The following SYT7 variants were observed in gnomAD, a reference collection of about 807,000 sequenced individuals.
SYT7 encodes synaptotagmin-7.
Under a neutral mutation model 75.1 loss-of-function variants are expected in SYT7, and 29 were observed. That is an observed-to-expected ratio of 0.39 (90% CI 0.29 to 0.53). The LOEUF is 0.53. SYT7 is among the 20% of genes least tolerant of loss of function. The pLI, the probability that SYT7 is intolerant of heterozygous loss-of-function variation, is 0.77. For missense variants in SYT7, 693 were observed against 953.2 expected (o/e 0.73, Z 3.59); for synonymous variants, 376 against 401.7 (o/e 0.94, Z 0.76).
At chr11:61,567,689 C>T (rs2063810167) in intron 1 of SYT7, among the ~76,000 whole-genome samples, 1 of 152,216 alleles carries the variant, frequency 6.6e-6, no homozygotes, top group Non-Finnish European at 1.5e-5. Flanking sequence ...CCCGGGGGCC[C>T]GCCGCACTGC....
At position 61,517,125 on chromosome 11, in the gene SYT7, A is replaced by C; in HGVS notation, c.*1502T>G. Reference sequence around the variant, plus strand: ...GCGCCACCTGGCGGTAGTTCTGGGAATGTCAGGCCCAGGCTCGTGGACCCC... The same window carrying C: ...GCGCCACCTGGCGGTAGTTCTGGGACTGTCAGGCCCAGGCTCGTGGACCCC... On this transcript the variant is annotated 3_prime_UTR_variant, in exon 13 of 13. Transcript: ENST00000539008. 2.5e-6 allele frequency: 1 copy of C among 394,450 alleles called. No homozygotes were observed. Among genetic ancestry groups the C allele is most frequent in the Non-Finnish European group, 4.5e-6 (1 of 223,908 alleles). The allele number at this position is 394,450 out of a possible 1,614,324, so 24.4% of individuals were successfully genotyped here.
intron 7 of SYT7, among the ~76,000 whole-genome samples, chr11:61,535,418 G>A (rs540779001): frequency 7.2e-5 from 11 of 152,236 alleles, no homozygotes; most frequent in Non-Finnish European, 1.5e-4. Flanking sequence ...GGCCGCGGTG[G>A]AAACCATTTG....
chr11:61,534,392 CACACACATGT>C (rs1426003521), intron 7 of SYT7, among the ~76,000 whole-genome samples: 3 of 152,086 alleles, frequency 2.0e-5, no homozygotes, highest in African/African-American at 7.2e-5. Flanking sequence ...CACATGCATG[CACACACATGT>C]ACACACGCAC....
intron 1 of SYT7, among the ~76,000 whole-genome samples, chr11:61,558,401 C>T (rs1204207922): frequency 6.6e-5 from 10 of 151,410 alleles, no homozygotes; most frequent in Non-Finnish European, 1.0e-4. Context: ...TGGAGGGGGG[C>T]GGAGGTTTTA....
chr11:61,576,061 C>T lies in SYT7; in HGVS notation c.31+4729G>A, dbSNP rs544347134. Among the ~76,000 whole-genome samples, 2 of 152,326 alleles carry T rather than the reference C, an allele frequency of 1.3e-5. No individual in the cohort carries two copies. Among genetic ancestry groups the T allele is most frequent in the East Asian group, 3.9e-4 (2 of 5,186 alleles). The stretch of plus-strand genomic sequence containing the variant: ...CCAGAGCAGGCCGGATGCACCTGCC[C>T]GCCTTCCAACCAACTGGACCTGGAA... On this transcript the variant is annotated intron_variant, in intron 1 of 12. Coordinates refer to ENST00000539008, the MANE Select transcript of SYT7 (RefSeq NM_001365809.2). The surrounding 1 kb of genome is among the most constrained non-coding windows in gnomAD (Gnocchi z 4.1).
chr11:61,562,238 A>G (rs2135384080), intron 1 of SYT7, among the ~76,000 whole-genome samples: 1 of 152,296 alleles, frequency 6.6e-6, no homozygotes, highest in South Asian at 2.1e-4. Flanking sequence ...CTGAGTTCCC[A>G]GCATACTGGG....
chr11:61,526,171 A>G (rs1425168718), intron 9 of SYT7: 1 of 152,196 alleles, frequency 6.6e-6, no homozygotes, highest in African/African-American at 2.4e-5. Flanking sequence ...GGAGCAGGTG[A>G]GCTGGAAGAG....
At chr11:61,527,813 G>A (rs772012564) in intron 9 of SYT7, 102 bp downstream of exon 9, 10 of 1,400,234 alleles carry the variant, frequency 7.1e-6, no homozygotes, top group Non-Finnish European at 5.9e-6. Context: ...GCAGGTGTGT[G>A]TACACATATG....
At chr11:61,571,549 GC>G (rs1481564796) in intron 1 of SYT7, among the ~76,000 whole-genome samples, 1 of 152,212 alleles carries the variant, frequency 6.6e-6, no homozygotes, top group Non-Finnish European at 1.5e-5. Flanking sequence ...TCCTTCTAGT[GC>G]CTGGGTGGCT....
At chr11:61,530,829 C>A in intron 8 of SYT7, 2 of 985,396 alleles carry the variant, frequency 2.0e-6, no homozygotes, top group Non-Finnish European at 2.4e-6. Context: ...AACCCTGAGC[C>A]CTACTTACTC....
intron 7 of SYT7, among the ~76,000 whole-genome samples, chr11:61,536,478 GC>G (rs1298253301): frequency 6.6e-6 from 1 of 152,144 alleles, no homozygotes; most frequent in Non-Finnish European, 1.5e-5. Context: ...CTCGCCCCTG[GC>G]CCCCGGCCCT....
At position 61,553,825 on chromosome 11, in the gene SYT7, G is replaced by A. The variant is rs902729187; in HGVS notation, c.135+2279C>T. On this transcript the variant is annotated intron_variant, in intron 2 of 12. Coordinates refer to ENST00000539008, the MANE Select transcript of SYT7 (RefSeq NM_001365809.2). This position sits in a 1 kb window ranked among gnomAD's most constrained non-coding sequence, Gnocchi z 5.2. The stretch of plus-strand genomic sequence containing the variant: ...GGGATCTGGGCTGTCAGGGTATCAC[G>A]TCACTGCTGCTGAGGGGACAGGCAG... Among the ~76,000 whole-genome samples, 7 of 152,128 alleles carry A rather than the reference G, an allele frequency of 4.6e-5. No homozygotes were observed. Among genetic ancestry groups the A allele is most frequent in the Admixed American group, 6.5e-5 (1 of 15,274 alleles).
chr11:61,522,832 C>G (rs2062387883), intron 12 of SYT7, among the ~76,000 whole-genome samples: 1 of 152,166 alleles, frequency 6.6e-6, no homozygotes, highest in Non-Finnish European at 1.5e-5. Context: ...TCTCCCTGCT[C>G]AGCTGGCAGT....
Position 61,527,910 on chromosome 11 carries a change from C to T in SYT7, c.1471+5G>A. On this transcript the variant is annotated splice_donor_5th_base_variant and intron_variant, in intron 9 of 12. Coordinates refer to ENST00000539008, the MANE Select transcript of SYT7 (RefSeq NM_001365809.2). ...CATGGCGGGGGAAGGTGGCACTAGACTCACCTTCAAAGAGGAAGGTCTCGT... is the reference window on the plus strand; with the variant it reads ...CATGGCGGGGGAAGGTGGCACTAGATTCACCTTCAAAGAGGAAGGTCTCGT... The T allele has an allele frequency of 6.2e-7, 1 of 1,613,366 alleles. No homozygotes were observed. Among genetic ancestry groups the T allele is most frequent in the Non-Finnish European group, 8.5e-7 (1 of 1,179,394 alleles).
rs544100094 is a variant in SYT7 at position 61,514,750 on chromosome 11, T to C, written c.*3877A>G. Among the ~76,000 whole-genome samples, 14 of 152,286 alleles carry C rather than the reference T, an allele frequency of 9.2e-5. No homozygotes were observed. Among genetic ancestry groups the C allele is most frequent in the African/African-American group, 2.6e-4 (11 of 41,552 alleles). The stretch of plus-strand genomic sequence containing the variant: ...CACCTCAGGCTGGAACCTGTTCTAT[T>C]GAGTGGAAGAGACTTTTCTAATCCT... On this transcript the variant is annotated 3_prime_UTR_variant, in exon 13 of 13. Coordinates refer to ENST00000539008, the MANE Select transcript of SYT7 (RefSeq NM_001365809.2).
rs2062403644 is a variant in SYT7, at chr11:61,523,217, G to A, written c.1814C>T (p.Thr605Met). Residue 605 changes from threonine to methionine, a missense_variant, in exon 12 of 13, where the codon ACG becomes ATG. Coordinates refer to ENST00000539008, the MANE Select transcript of SYT7 (RefSeq NM_001365809.2). This position sits in a 1 kb window ranked among gnomAD's most constrained non-coding sequence, Gnocchi z 5.0. ...GTTCAGGTTCCTCTTCATCGTCACC[G>A]TCTTCTTCTTCTCCACCCGCTTGTC... Reference protein sequence around the residue: ...YKDKRVEKKKTVTMKRNLNPI... With the variant: ...YKDKRVEKKKMVTMKRNLNPI... 3 of 1,614,158 alleles carry A rather than the reference G, an allele frequency of 1.9e-6. No homozygotes were observed. Among genetic ancestry groups the A allele is most frequent in the Non-Finnish European group, 1.7e-6 (2 of 1,180,046 alleles).
At chr11:61,547,039 A>T (rs2135277703) in intron 4 of SYT7, 138 bp downstream of exon 4, 2 of 1,092,494 alleles carry the variant, frequency 1.8e-6, no homozygotes, top group Non-Finnish European at 2.5e-6. Context: ...CATGGGGTGG[A>T]TGGGTGGGGA....
intron 1 of SYT7, among the ~76,000 whole-genome samples, chr11:61,564,703 G>A (rs190306559): frequency 1.1e-4 from 17 of 152,140 alleles, no homozygotes; most frequent in Non-Finnish European, 2.5e-4. Context: ...GGACACAAAC[G>A]ACAGTTACGG....
At chr11:61,587,924 G>C in the SYT7 span, among the ~76,000 whole-genome samples, 987 of 150,790 alleles carry the variant, frequency 6.5e-3, 15 homozygotes, top group African/African-American at 0.023. Context: ...GTACACAGAT[G>C]GGGGGGCGGG....
Sources: allele counts gnomAD v4.1 joint callset (sites outside exome capture counted in the v4.1 genomes callset), GRCh38; gene constraint gnomAD v4.1.1; non-coding constraint Gnocchi (gnomAD v3.1); transcripts MANE v1.5; gene names NCBI Gene and HGNC (gene_info 2026-07-23, HGNC 2026-07-21).